The following RIOX2 variants were observed in gnomAD, a reference collection of about 807,000 sequenced individuals.
RIOX2 encodes the protein 60S ribosomal protein L27a histidine hydroxylase.
In RIOX2, 43 loss-of-function variants were observed where a neutral mutation model predicts 51.2. The ratio of observed to expected loss-of-function variants is 0.84; its 90% CI spans 0.66 to 1.08. The LOEUF is 1.08. Among genes scored for constraint, RIOX2 ranks in the 50% least tolerant of loss-of-function variants. RIOX2 has a pLI of 0.00. For missense variants in RIOX2, 566 were observed against 561.7 expected (o/e 1.01, Z -0.08); for synonymous variants, 226 against 218.5 (o/e 1.03, Z -0.30).
At chr3:97,947,529 G>GA in intron 7 of RIOX2, 80 bp from the exon 8 acceptor site, 1 of 1,035,364 alleles carries the variant, frequency 9.7e-7, no homozygotes, top group Non-Finnish European at 1.5e-6. Flanking sequence ...ATACACATAG[G>GA]AAACACATTT....
At chr3:97,964,696 T>A (rs1576015505) in intron 2 of RIOX2, among the ~76,000 whole-genome samples, 1 of 60,210 alleles carries the variant, frequency 1.7e-5, no homozygotes, top group Non-Finnish European at 3.1e-5. Flanking sequence ...GACTCTGTCT[T>A]AAAAAAAAAA....
chr3:97,948,231 T>G (rs545935901), intron 7 of RIOX2, among the ~76,000 whole-genome samples: 2 of 152,122 alleles, frequency 1.3e-5, no homozygotes, highest in Non-Finnish European at 2.9e-5. Context: ...CCAAAGACTA[T>G]GATAAAAATG....
rs921720121 is a variant in RIOX2 at position 97,962,723 on chromosome 3, C to T, written c.433-1015G>A. On this transcript the variant is annotated intron_variant, in intron 2 of 9. Transcript: ENST00000394198. The stretch of plus-strand genomic sequence containing the variant: ...ATGTGCCAGGCACTGTCTCCAAGTG[C>T]TTTACAAATATCAATTATGCAACCC... 1.1e-4 allele frequency among the ~76,000 whole-genome samples: 17 copies of T among 152,288 alleles called. No homozygotes were observed. In the South Asian group the frequency reaches 2.7e-3, roughly 24 times the overall value.
At chr3:97,964,087 T>C (rs977570466) in intron 2 of RIOX2, among the ~76,000 whole-genome samples, 1 of 152,100 alleles carries the variant, frequency 6.6e-6, no homozygotes, top group Non-Finnish European at 1.5e-5. Flanking sequence ...GGATTCGATA[T>C]CCAGCGAGCC....
Position 97,943,208 on chromosome 3 carries a change from T to C in RIOX2, c.*1976A>G, listed in dbSNP as rs768110994. On this transcript the variant is annotated 3_prime_UTR_variant, in exon 10 of 10. Coordinates refer to ENST00000394198, the MANE Select transcript of RIOX2 (RefSeq NM_153182.4). ...CTGCCTGAACAAATAATCTTTTCTT[T>C]TGGAATTTCTATTTTAGGAGGAAAT... 2.1e-5 allele frequency: 30 copies of C among 1,426,686 alleles called. 1 individual carries two copies. The highest frequency in any genetic ancestry group is 2.7e-5 in the Non-Finnish European group (28 of 1,019,846). 88.4% of individuals were successfully genotyped at this position (1,426,686 alleles called of 1,614,324 possible).
At chr3:97,947,271 G>T in intron 8 of RIOX2, 90 bp downstream of exon 8, 1 of 947,238 alleles carries the variant, frequency 1.1e-6, no homozygotes, top group Non-Finnish European at 1.7e-6. Flanking sequence ...CCTAAAGAAG[G>T]GCAGAGACCA....
rs149429738 is a variant in RIOX2, at chr3:97,954,435, G to A, written c.742C>T (p.Leu248=). 1.2e-4 allele frequency: 189 copies of A among 1,613,990 alleles called. No individual in the cohort carries two copies. Among genetic ancestry groups the A allele is most frequent in the Middle Eastern group, 1.6e-4 (1 of 6,076 alleles). ...ATGGTCACGTGAGTAGAGTGGGCCA[G>A]CCCCGCAGGAGTGTCCGCTTGATGA... ...TIHQADTPAG[L]AHSTHVTIST... The change falls in exon 5 of 10, where the codon CTG becomes TTG. Residue 248 remains leucine, a synonymous_variant. Transcript: ENST00000394198.
At position 97,945,421 on chromosome 3, in the gene RIOX2, C is replaced by T. The variant is rs954083635; in HGVS notation, c.1240-79G>A. Reference sequence around the variant, plus strand: ...AGTAGCATTTTCCTGTAAATTTATTCTCCATACATCATTATTTTTGATACC... The same window carrying T: ...AGTAGCATTTTCCTGTAAATTTATTTTCCATACATCATTATTTTTGATACC... On this transcript the variant is annotated intron_variant, in intron 9 of 9. Transcript: ENST00000394198. 1.1e-5 allele frequency: 14 copies of T among 1,260,758 alleles called. No homozygotes were observed. The African/African-American group carries it at 1.8e-4, about 16-fold the overall frequency. 78.1% of individuals were successfully genotyped at this position (1,260,758 alleles called of 1,614,324 possible).
chr3:97,956,159 C>T (rs979517105), intron 4 of RIOX2, among the ~76,000 whole-genome samples: 9 of 152,178 alleles, frequency 5.9e-5, no homozygotes, highest in Non-Finnish European at 1.2e-4. Context: ...TACAATAACA[C>T]TAGGTGATAG....
rs113079726 is a variant in RIOX2, at chr3:97,961,694, C to T, written c.447G>A (p.Arg149=). ...QPQRFKDELW[R]IQEKLECYFG... ...AGTAACATTCCAGCTTCTCCTGGAT[C>T]CTCCAAAGCTCATCCTTTACAAAAA... Residue 149 remains arginine (R), a synonymous_variant, in exon 3 of 10, where the codon AGG becomes AGA. Coordinates refer to ENST00000394198, the MANE Select transcript of RIOX2 (RefSeq NM_153182.4). 2.5e-6 allele frequency: 4 copies of T among 1,603,466 alleles called. No individual in the cohort carries two copies. The highest frequency in any genetic ancestry group is 2.7e-5 in the African/African-American group (2 of 74,164).
intron 2 of RIOX2, among the ~76,000 whole-genome samples, chr3:97,963,134 T>G (rs1417692770): frequency 6.6e-6 from 1 of 152,188 alleles, no homozygotes; most frequent in Non-Finnish European, 1.5e-5. Flanking sequence ...AAAGACTTTT[T>G]TAAGACATGG....
At chr3:97,963,220 C>T (rs185340868) in intron 2 of RIOX2, among the ~76,000 whole-genome samples, 90 of 152,338 alleles carry the variant, frequency 5.9e-4, no homozygotes, top group Non-Finnish European at 1.0e-3. Context: ...ACATCCCAGG[C>T]TTAAATGATC....
Position 97,944,955 on chromosome 3 carries a change from G to T in RIOX2, c.*229C>A. On this transcript the variant is annotated 3_prime_UTR_variant, in exon 10 of 10. Transcript: ENST00000394198. ...CTACCACACTGGATTAAATAAACTT[G>T]TCAAAATATGGTTTTGTCATTTTCT... is the stretch of plus-strand genomic sequence containing the variant. The T allele has an allele frequency of 2.8e-6, 1 of 351,854 alleles. No individual in the cohort carries two copies. Among genetic ancestry groups the T allele is most frequent in the Non-Finnish European group, 5.1e-6 (1 of 195,538 alleles). The allele number at this position is 351,854 out of a possible 1,614,324, so 21.8% of individuals were successfully genotyped here.
At position 97,967,442 on chromosome 3, in the gene RIOX2, G is replaced by C; in HGVS notation, c.152C>G (p.Thr51Arg). Residue 51 changes from threonine (T) to arginine (R), a missense_variant, in exon 2 of 10, where the codon ACA becomes AGA. Thr to Arg is a moderately conservative substitution (Grantham distance 71). Transcript: ENST00000394198. ...CCAGAATTCCTTGAAAAAAGTCTCT[G>C]TCTTGATGGGCGAGATTAAACTTTC... The part of the protein sequence containing the change: ...LFESLISPIK[T>R]ETFFKEFWEQ... The C allele has an allele frequency of 6.2e-7, 1 of 1,614,112 alleles. No homozygotes were observed.
rs1478461820 is a variant in RIOX2 at position 97,967,554 on chromosome 3, C to T, written c.40G>A (p.Glu14Lys). Residue 14 changes from glutamate (E) to lysine (K), a missense_variant, in exon 2 of 10, where the codon GAG becomes AAG. Transcript: ENST00000394198. ...KAKPTGSGKE[E>K]GPAPCKQMKL... The stretch of plus-strand genomic sequence containing the variant: ...ATCTGCTTACAGGGAGCCGGCCCCT[C>T]TTCCTTCCCACTCCCTGTAGGCTTT... 3 of 1,610,382 alleles carry T rather than the reference C, an allele frequency of 1.9e-6. No homozygotes were observed.
At chr3:97,949,536 G>A (rs1160340701) in intron 7 of RIOX2, among the ~76,000 whole-genome samples, 1 of 152,080 alleles carries the variant, frequency 6.6e-6, no homozygotes, top group African/African-American at 2.4e-5. Flanking sequence ...TTCAAATTTT[G>A]AAAACTTCCT....
At chr3:97,952,263 C>CA in intron 5 of RIOX2, 2 of 1,286,474 alleles carry the variant, frequency 1.6e-6, no homozygotes, top group Non-Finnish European at 2.0e-6. Flanking sequence ...CTGTCCAAGA[C>CA]ACAGGTCAAA....
chr3:97,967,553 T>G lies in RIOX2; in HGVS notation c.41A>C (p.Glu14Ala), dbSNP rs772622787. The G allele has an allele frequency of 1.2e-5, 20 of 1,610,328 alleles. No individual in the cohort carries two copies. The highest frequency in any genetic ancestry group is 2.5e-6 in the Non-Finnish European group (3 of 1,178,806). The change falls in exon 2 of 10, where the codon GAG becomes GCG. Residue 14 changes from glutamate to alanine, a missense_variant. Glu to Ala is a moderately radical substitution (Grantham distance 107). Transcript: ENST00000394198. ...CATCTGCTTACAGGGAGCCGGCCCC[T>G]CTTCCTTCCCACTCCCTGTAGGCTT... is the stretch of plus-strand genomic sequence containing the variant. ...KAKPTGSGKE[E>A]GPAPCKQMKL...
At chr3:97,969,816 T>G (rs1487812026) in intron 1 of RIOX2, among the ~76,000 whole-genome samples, 1 of 152,224 alleles carries the variant, frequency 6.6e-6, no homozygotes, top group African/African-American at 2.4e-5. Context: ...CCCCAGAACT[T>G]CACCCATGTG....
Sources: gnomAD v4.1 joint callset for allele counts (sites outside exome capture counted in the v4.1 genomes callset) on GRCh38, gnomAD v4.1.1 for gene constraint, MANE v1.5 for transcripts, NCBI Gene and HGNC (gene_info 2026-07-23, HGNC 2026-07-21) for gene names.